The following THOP1 variants were observed in gnomAD, a reference collection of about 807,000 sequenced individuals.
The protein encoded by THOP1 is thimet oligopeptidase 1.
In THOP1, 49 loss-of-function variants were observed where a neutral mutation model predicts 71.8. The observed-to-expected ratio is 0.68, with a 90% CI of 0.54 to 0.87. The LOEUF (loss-of-function observed/expected upper bound fraction) is 0.87, where lower values mean the gene tolerates loss of function less well. Ranked by LOEUF, THOP1 falls within the 40% of genes least tolerant of loss-of-function variation. THOP1 has a pLI of 0.00. For synonymous variants in THOP1, 426 were observed against 421.5 expected (o/e 1.01, Z -0.13); for missense variants, 843 against 975.6 (o/e 0.86, Z 1.81).
intron 1 of THOP1, among the ~76,000 whole-genome samples, chr19:2,787,776 G>A (rs1427858687): frequency 1.3e-5 from 2 of 152,182 alleles, no homozygotes; most frequent in African/African-American, 2.4e-5. Context: ...GTCACAGTTG[G>A]GGGGCGCTCC....
Position 2,813,313 on chromosome 19 carries a change from C to T in THOP1, c.*37C>T, listed in dbSNP as rs775446097. The T allele has an allele frequency of 3.2e-6, 5 of 1,563,224 alleles. No individual in the cohort carries two copies. Among genetic ancestry groups the T allele is most frequent in the Non-Finnish European group, 3.5e-6 (4 of 1,155,028 alleles). On this transcript the variant is annotated 3_prime_UTR_variant, in exon 13 of 13. Coordinates refer to ENST00000307741, the MANE Select transcript of THOP1 (RefSeq NM_003249.5). The stretch of plus-strand genomic sequence containing the variant: ...GCGACTGCCCAGTCTGGCCTGCGCT[C>T]CCGCCGCCCTGGTGCCTTAGCCCCC...
At position 2,802,185 on chromosome 19, in the gene THOP1, C is replaced by T. The variant is rs371447827; in HGVS notation, c.589+2394C>T. Among the ~76,000 whole-genome samples, 254 of 151,778 alleles carry T rather than the reference C, an allele frequency of 1.7e-3. 1 individual carries two copies. Among genetic ancestry groups the T allele is most frequent in the African/African-American group, 5.9e-3 (242 of 41,336 alleles). ...TCTCCAACACCGCCACCTCCAACACCGCCGTCTCCCGATACCTCCACCTCC... is the reference window on the plus strand; with the variant it reads ...TCTCCAACACCGCCACCTCCAACACTGCCGTCTCCCGATACCTCCACCTCC... On this transcript the variant is annotated intron_variant, in intron 5 of 12. Coordinates refer to ENST00000307741, the MANE Select transcript of THOP1 (RefSeq NM_003249.5).
At position 2,794,926 on chromosome 19, in the gene THOP1, G is replaced by A. The variant is rs1915977375; in HGVS notation, c.378+14G>A. 2 of 1,601,348 alleles carry A rather than the reference G, an allele frequency of 1.2e-6. No homozygotes were observed. The highest frequency in any genetic ancestry group is 2.2e-5 in the South Asian group (2 of 90,820). ...GTGTGGCTCCAGGTGAGGGGGCCCT[G>A]CGGGGAGTGCAAATAGCCTCCCAAG... On this transcript the variant is annotated intron_variant, in intron 3 of 12. Coordinates refer to ENST00000307741, the MANE Select transcript of THOP1 (RefSeq NM_003249.5).
At chr19:2,797,208 C>T (rs907031381) in intron 4 of THOP1, among the ~76,000 whole-genome samples, 2 of 152,168 alleles carry the variant, frequency 1.3e-5, no homozygotes, top group Admixed American at 6.5e-5. Context: ...TGCCCCTCAT[C>T]GGGTGCCTGG....
chr19:2,793,930 A>T (rs964700445), intron 2 of THOP1, among the ~76,000 whole-genome samples: 14 of 149,814 alleles, frequency 9.3e-5, no homozygotes, highest in Admixed American at 8.0e-4. Flanking sequence ...TCCTGTGTGG[A>T]TGTGTGTTCA....
rs1916367146 is a variant in THOP1, at chr19:2,808,329, C to T, written c.1340C>T (p.Ala447Val). The T allele has an allele frequency of 6.2e-7, 1 of 1,600,748 alleles. No homozygotes were observed. Among genetic ancestry groups the T allele is most frequent in the South Asian group, 1.1e-5 (1 of 89,482 alleles). Residue 447 changes from alanine (A) to valine (V), a missense_variant, in exon 9 of 13, where the codon GCC (alanine) becomes GTC (valine). Coordinates refer to ENST00000307741, the MANE Select transcript of THOP1 (RefSeq NM_003249.5). ...GGGAGCCGCCAGATCGCCATCGCGGCCATGGTGGCCAACTTCACCAAGCCC... is the reference window on the plus strand; with the variant it reads ...GGGAGCCGCCAGATCGCCATCGCGGTCATGGTGGCCAACTTCACCAAGCCC... ...QDGSRQIAIA[A>V]MVANFTKPTA...
At chr19:2,808,046 G>C (rs961918369) in intron 8 of THOP1, 197 bp from the exon 9 acceptor site, 28 of 785,216 alleles carry the variant, frequency 3.6e-5, no homozygotes, top group Admixed American at 3.3e-4. Context: ...AGTCCTTTAG[G>C]GGAGGGATGG....
rs552276372 is a variant in THOP1, at chr19:2,804,100, T to C, written c.590-916T>C. 9.2e-5 allele frequency among the ~76,000 whole-genome samples: 14 copies of C among 152,272 alleles called. No individual in the cohort carries two copies. In the South Asian group the frequency reaches 2.7e-3, roughly 29 times the overall value. Reference sequence around the variant, plus strand: ...GTCGGAGTGAGCTCCCGATCATTCTTTCCACTCTGACCGCCCTGGGGTTGA... The same window carrying C: ...GTCGGAGTGAGCTCCCGATCATTCTCTCCACTCTGACCGCCCTGGGGTTGA... On this transcript the variant is annotated intron_variant, in intron 5 of 12. Transcript: ENST00000307741. The surrounding 1 kb of genome is among the most constrained non-coding windows in gnomAD (Gnocchi z 4.7).
intron 2 of THOP1, among the ~76,000 whole-genome samples, chr19:2,790,838 G>GT (rs2144758281): frequency 6.6e-6 from 1 of 152,354 alleles, no homozygotes; most frequent in East Asian, 1.9e-4. Flanking sequence ...CGTCTGGCAG[G>GT]TGCTGGTCAC....
chr19:2,785,755 G>C (rs1915726039), intron 1 of THOP1, 77 bp downstream of exon 1: 1 of 1,277,588 alleles, frequency 7.8e-7, no homozygotes, highest in Non-Finnish European at 1.0e-6. Context: ...TTGGGCCTAA[G>C]GCTGGAGCGA....
At chr19:2,807,352 G>A (rs1428633532) in intron 7 of THOP1, 90 bp from the exon 8 acceptor site, 8 of 1,460,172 alleles carry the variant, frequency 5.5e-6, no homozygotes, top group Non-Finnish European at 9.0e-7. Flanking sequence ...CAAATGGGGA[G>A]CCTGACGAAG....
intron 9 of THOP1, among the ~76,000 whole-genome samples, chr19:2,808,787 C>G (rs1017624837): frequency 6.6e-6 from 1 of 152,256 alleles, no homozygotes; most frequent in Non-Finnish European, 1.5e-5. Flanking sequence ...GGTCGTCCTT[C>G]TGTGTGGGTC....
In THOP1 at chr19:2,807,522, C is replaced by T. The variant is rs747083037; in HGVS notation, c.967C>T (p.Arg323Cys). 37 of 1,611,954 alleles carry T rather than the reference C, an allele frequency of 2.3e-5. No individual in the cohort carries two copies. The East Asian group carries it at 4.5e-4, about 19-fold the overall frequency. Residue 323 changes from arginine to cysteine, a missense_variant, in exon 8 of 13, where the codon CGC becomes TGC. Arg to Cys is a radical substitution (Grantham distance 180, BLOSUM62 -3). Transcript: ENST00000307741. ...ILELKRAECE[R>C]RGLPFDGRIR... is the part of the protein sequence containing the mutation. ...GGAGCTGAAGCGTGCGGAGTGCGAG[C>T]GCCGGGGCCTGCCCTTCGACGGCCG...
In THOP1 at chr19:2,805,022, T is replaced by C; in HGVS notation, c.596T>C (p.Leu199Pro). The C allele has an allele frequency of 6.2e-7, 1 of 1,611,652 alleles. No individual in the cohort carries two copies. Residue 199 changes from leucine to proline, a missense_variant, in exon 6 of 13, where the codon CTC (leucine) becomes CCC (proline). By Grantham distance (98) the Leu-to-Pro change is moderately conservative. Transcript: ENST00000307741. This position sits in a 1 kb window ranked among gnomAD's most constrained non-coding sequence, Gnocchi z 6.6. ...CCTGGTTCTGTCCCCATAGGAGGGCTCCCCGAGGACTTTCTGAACTCCCTG... is the reference window on the plus strand; with the variant it reads ...CCTGGTTCTGTCCCCATAGGAGGGCCCCCCGAGGACTTTCTGAACTCCCTG... ...LPFTLQELGG[L>P]PEDFLNSLEK...
Position 2,799,682 on chromosome 19 carries a change from T to C in THOP1, c.487-7T>C. 1 of 1,611,168 alleles carries C rather than the reference T, an allele frequency of 6.2e-7. No homozygotes were observed. The highest frequency in any genetic ancestry group is 8.5e-7 in the Non-Finnish European group (1 of 1,178,112). The stretch of plus-strand genomic sequence containing the variant: ...TCCCTCCCCTCACGCCCCGCCTTTC[T>C]CTCCAGAACATCAAACGCATCAAGA... On this transcript the variant is annotated splice_polypyrimidine_tract_variant and splice_region_variant and intron_variant, in intron 4 of 12. Transcript: ENST00000307741.
At chr19:2,785,723 T>C in intron 1 of THOP1, 45 bp downstream of exon 1, 1 of 1,364,028 alleles carries the variant, frequency 7.3e-7, no homozygotes. Context: ...CCCTGCACCC[T>C]CGCTCCTCCC....
At chr19:2,800,896 G>T (rs1033069228) in intron 5 of THOP1, among the ~76,000 whole-genome samples, 1 of 152,026 alleles carries the variant, frequency 6.6e-6, no homozygotes, top group Non-Finnish European at 1.5e-5. Context: ...CCGTGGGGCT[G>T]CTTCTCCTGC....
In THOP1 at chr19:2,811,667, G is replaced by A. The variant is rs776771471; in HGVS notation, c.1841G>A (p.Trp614Ter). 1 of 1,613,482 alleles carries A rather than the reference G, an allele frequency of 6.2e-7. No homozygotes were observed. Among genetic ancestry groups the A allele is most frequent in the Non-Finnish European group, 8.5e-7 (1 of 1,179,956 alleles). ...GYDAQYYGYL[W>*]SEVYSMDMFH... ...GACGCCCAGTACTACGGGTACCTGTGGAGCGAGGTGTATTCCATGGACATG... is the reference window on the plus strand; with the variant it reads ...GACGCCCAGTACTACGGGTACCTGTAGAGCGAGGTGTATTCCATGGACATG... The change falls in exon 12 of 13, where the codon TGG becomes TAG. Residue 614 changes from tryptophan to a stop codon, truncating the protein, a stop_gained. Transcript: ENST00000307741. LOFTEE classifies it high-confidence loss of function.
intron 12 of THOP1, chr19:2,812,140 C>T: frequency 6.9e-7 from 1 of 1,457,220 alleles, no homozygotes; most frequent in South Asian, 1.4e-5. Context: ...TGGGCTGAGA[C>T]AGACCCTTCT....
Sources: gnomAD v4.1 joint callset for allele counts (sites outside exome capture counted in the v4.1 genomes callset) on GRCh38, gnomAD v4.1.1 for gene constraint, Gnocchi (gnomAD v3.1) non-coding constraint, MANE v1.5 for transcripts, NCBI Gene and HGNC (gene_info 2026-07-23, HGNC 2026-07-21) for gene names.